ZRANB3: variants seen among roughly 807,000 people sequenced by gnomAD.
ZRANB3 encodes zinc finger RANBP2-type containing 3.
ZRANB3 carries 125 observed loss-of-function variants against 133.8 expected under a neutral mutation model. The observed-to-expected ratio is 0.93, with a 90% CI of 0.81 to 1.08. ZRANB3 has a LOEUF of 1.08. ZRANB3 is among the 50% of genes least tolerant of loss of function. The pLI, the probability that ZRANB3 is intolerant of heterozygous loss-of-function variation, is 0.00. For synonymous variants in ZRANB3, 387 were observed against 432.7 expected (o/e 0.89, Z 1.31); for missense variants, 1,229 against 1,275.5 (o/e 0.96, Z 0.56).
chr2:135,309,049 C>T (rs1338107601), intron 8 of ZRANB3, among the ~76,000 whole-genome samples: 4 of 148,200 alleles, frequency 2.7e-5, no homozygotes, highest in Non-Finnish European at 5.9e-5. Context: ...GGTGCAATCT[C>T]GGCTCACTGC....
At chr2:135,519,100 T>C (rs1422092163) in intron 1 of ZRANB3, among the ~76,000 whole-genome samples, 1 of 152,078 alleles carries the variant, frequency 6.6e-6, no homozygotes, top group Non-Finnish European at 1.5e-5. Flanking sequence ...AAATGGATAA[T>C]AGATTAGTGG....
intron 12 of ZRANB3, among the ~76,000 whole-genome samples, chr2:135,258,243 AAAAGT>A (rs1679758461): frequency 1.3e-5 from 2 of 152,362 alleles, no homozygotes; most frequent in South Asian, 4.1e-4. Flanking sequence ...TAAAAGTCAT[AAAAGT>A]AAATAAGACA....
At chr2:135,442,338 C>G (rs984975376) in intron 2 of ZRANB3, among the ~76,000 whole-genome samples, 11 of 152,094 alleles carry the variant, frequency 7.2e-5, no homozygotes, top group South Asian at 6.2e-4. Context: ...AGAACTTAAA[C>G]AAATTTACAG....
intron 13 of ZRANB3, 149 bp from the exon 14 acceptor site, chr2:135,228,164 G>A: frequency 3.1e-6 from 2 of 649,228 alleles, no homozygotes; most frequent in Non-Finnish European, 5.0e-6. Flanking sequence ...TATATACCCA[G>A]TACTATTCTA....
At chr2:135,398,663 C>T (rs982096685) in intron 2 of ZRANB3, among the ~76,000 whole-genome samples, 159 of 150,900 alleles carry the variant, frequency 1.1e-3, no homozygotes, top group African/African-American at 3.7e-3. Context: ...GCACTATAGG[C>T]GCCCGCCACC....
intron 8 of ZRANB3, among the ~76,000 whole-genome samples, chr2:135,276,734 T>C (rs1360525686): frequency 5.3e-5 from 8 of 152,154 alleles, no homozygotes; most frequent in Admixed American, 5.2e-4. Context: ...AACAAAACTT[T>C]GGAAGCTAAA....
chr2:135,351,172 A>G lies in ZRANB3; in HGVS notation c.360-957T>C, dbSNP rs904600677. Among the ~76,000 whole-genome samples, 4 of 152,120 alleles carry G rather than the reference A, an allele frequency of 2.6e-5. No individual in the cohort carries two copies. The East Asian group carries it at 7.7e-4, about 29-fold the overall frequency. ...CTTCTTCAATTCTCTATCCTCTAAC[A>G]GAAAAGGTAGAGCTCCTAAGCAGCC... On this transcript the variant is annotated intron_variant, in intron 4 of 20. Transcript: ENST00000264159.
chr2:135,517,520 A>T (rs557069426), intron 1 of ZRANB3, among the ~76,000 whole-genome samples: 1 of 152,292 alleles, frequency 6.6e-6, no homozygotes, highest in East Asian at 1.9e-4. Flanking sequence ...TCCTTCTAAC[A>T]GTCAGGCCCC....
At chr2:135,511,433 A>C in intron 1 of ZRANB3, 1 of 818,500 alleles carries the variant, frequency 1.2e-6, no homozygotes, top group Non-Finnish European at 2.2e-6. Flanking sequence ...AGAAAGTTCC[A>C]GAATCATCAG....
intron 14 of ZRANB3, 36 bp from the exon 15 acceptor site, chr2:135,224,553 T>G: frequency 1.3e-6 from 2 of 1,491,588 alleles, no homozygotes; most frequent in South Asian, 2.3e-5. Flanking sequence ...TGAAGGCTTA[T>G]CTACCCTCTA....
At chr2:135,232,171 C>T (rs1330478350) in intron 12 of ZRANB3, among the ~76,000 whole-genome samples, 1 of 152,206 alleles carries the variant, frequency 6.6e-6, no homozygotes, top group Non-Finnish European at 1.5e-5. Flanking sequence ...GAGGGTCCTA[C>T]ACCCATGGAG....
chr2:135,495,300 T>G (rs1234431645), intron 2 of ZRANB3, among the ~76,000 whole-genome samples: 2 of 152,212 alleles, frequency 1.3e-5, no homozygotes, highest in East Asian at 3.8e-4. Context: ...GCTGTGTCTA[T>G]ATAAGAGAAT....
chr2:135,258,616 T>C (rs1013514322), intron 12 of ZRANB3, among the ~76,000 whole-genome samples: 2 of 152,246 alleles, frequency 1.3e-5, no homozygotes, highest in Non-Finnish European at 2.9e-5. Context: ...CACTACGACA[T>C]AGACATTTGT....
At chr2:135,409,866 C>A (rs906937899) in intron 2 of ZRANB3, among the ~76,000 whole-genome samples, 6 of 152,018 alleles carry the variant, frequency 3.9e-5, no homozygotes, top group African/African-American at 1.4e-4. Context: ...GACTTCAGTC[C>A]CATTTACAAT....
intron 2 of ZRANB3, among the ~76,000 whole-genome samples, chr2:135,466,515 T>G (rs1174317649): frequency 6.6e-6 from 1 of 151,896 alleles, no homozygotes; most frequent in Non-Finnish European, 1.5e-5. Context: ...GACAGTAAAC[T>G]GCAAGTTAAA....
rs111340939 is a variant in ZRANB3, at chr2:135,282,747, T to G, written c.967-6992A>C. The stretch of plus-strand genomic sequence containing the variant: ...TTCCAATTTAATATCTTAACCAGCA[T>G]AGTTTTACAAAAAAACCCTGGGATC... On this transcript the variant is annotated intron_variant, in intron 8 of 20. Coordinates refer to ENST00000264159, the MANE Select transcript of ZRANB3 (RefSeq NM_032143.4). 7.4e-3 allele frequency among the ~76,000 whole-genome samples: 1,129 copies of G among 152,272 alleles called. 13 individuals carry two copies. The highest frequency in any genetic ancestry group is 0.026 in the African/African-American group (1,077 of 41,546).
At chr2:135,331,828 C>G (rs1684157005) in intron 6 of ZRANB3, among the ~76,000 whole-genome samples, 2 of 152,022 alleles carry the variant, frequency 1.3e-5, no homozygotes, top group African/African-American at 4.8e-5. Context: ...CTCTTTTGAT[C>G]TTTGTTGGTT....
At chr2:135,386,492 G>A (rs1686980968) in intron 3 of ZRANB3, among the ~76,000 whole-genome samples, 2 of 152,162 alleles carry the variant, frequency 1.3e-5, no homozygotes, top group African/African-American at 4.8e-5. Flanking sequence ...CCATTACTGG[G>A]TATATACCCA....
At chr2:135,428,341 G>C (rs527592420) in intron 2 of ZRANB3, among the ~76,000 whole-genome samples, 4 of 151,244 alleles carry the variant, frequency 2.6e-5, no homozygotes, top group South Asian at 4.2e-4. Context: ...CTACTTGGAG[G>C]CTGAGGCAGG....
Sources: gnomAD v4.1 joint callset for allele counts (sites outside exome capture counted in the v4.1 genomes callset) on GRCh38, gnomAD v4.1.1 for gene constraint, MANE v1.5 for transcripts, NCBI Gene and HGNC (gene_info 2026-07-23, HGNC 2026-07-21) for gene names.